GABRG2: variants seen among roughly 807,000 people sequenced by gnomAD.
The protein encoded by GABRG2 is gamma-aminobutyric acid type A receptor subunit gamma2, also known as gamma-aminobutyric acid receptor subunit gamma-2.
Under a neutral mutation model 56.4 loss-of-function variants are expected in GABRG2, and 16 were observed. The observed-to-expected ratio is 0.28, with a 90% CI of 0.19 to 0.43. The LOEUF (loss-of-function observed/expected upper bound fraction) is 0.43, where lower values mean the gene tolerates loss of function less well. Among genes scored for constraint, GABRG2 ranks in the 20% least tolerant of loss-of-function variants. The pLI is 1.00. For synonymous variants in GABRG2, 208 were observed against 205.5 expected (o/e 1.01, Z -0.10); for missense variants, 327 against 582.7 (o/e 0.56, Z 4.52).
intron 1 of GABRG2, among the ~76,000 whole-genome samples, chr5:162,087,618 A>G (rs1439533523): frequency 6.6e-6 from 1 of 152,078 alleles, no homozygotes; most frequent in Admixed American, 6.6e-5. Context: ...GCCATGGAGG[A>G]TAGAAGAGAG....
At position 162,153,590 on chromosome 5, in the gene GABRG2, GCAAAGTAAAATTAGAGCAAGAACATT is replaced by G. The variant is rs1296263263; in HGVS notation, c.*227_*252del. ...GTTTGCTGTGTTTCAAACCTGCAAG[GCAAAGTAAAATTAGAGCAAGAACATT>G]CAAACCAAATAAGATATTTTTCAGC... On this transcript the variant is annotated 3_prime_UTR_variant, in exon 10 of 10. Coordinates refer to ENST00000639213, the MANE Select transcript of GABRG2 (RefSeq NM_198904.4). The G allele has an allele frequency of 3.3e-6, 2 of 608,300 alleles. No individual in the cohort carries two copies. Among genetic ancestry groups the G allele is most frequent in the Admixed American group, 5.9e-5 (2 of 34,102 alleles). 37.7% of individuals were successfully genotyped at this position (608,300 alleles called of 1,614,324 possible). A position where few individuals can be genotyped will look rare whatever the true frequency, so the allele number is the denominator to read the frequency against.
At chr5:162,151,627 A>G in intron 8 of GABRG2, 103 bp from the exon 9 acceptor site, 1 of 1,027,562 alleles carries the variant, frequency 9.7e-7, no homozygotes. Context: ...TGTGTTTTCA[A>G]AATGTATTTT....
rs908159921 is a variant in GABRG2 at position 162,084,524 on chromosome 5, A to G, written c.108-9304A>G. Reference sequence around the variant, plus strand: ...TGCACCTTAGAATTAGCTGAATACCAAAGTCTTGGTCTCATAGAGACCAAT... The same window carrying G: ...TGCACCTTAGAATTAGCTGAATACCGAAGTCTTGGTCTCATAGAGACCAAT... On this transcript the variant is annotated intron_variant, in intron 1 of 9. Transcript: ENST00000639213. 3.0e-4 allele frequency among the ~76,000 whole-genome samples: 46 copies of G among 151,794 alleles called. 1 individual carries two copies.
At chr5:162,140,159 A>G (rs567449280) in intron 6 of GABRG2, among the ~76,000 whole-genome samples, 51 of 152,354 alleles carry the variant, frequency 3.3e-4, no homozygotes, top group African/African-American at 1.1e-3. Flanking sequence ...AAAAATTTCT[A>G]TCTTCAAGTC....
At chr5:162,105,623 G>C (rs1463203980) in intron 6 of GABRG2, among the ~76,000 whole-genome samples, 3 of 151,444 alleles carry the variant, frequency 2.0e-5, no homozygotes, top group Non-Finnish European at 2.9e-5. Context: ...GTAGAGACGT[G>C]GTTTCACCTT....
At chr5:162,110,129 A>G (rs1432155267) in intron 6 of GABRG2, among the ~76,000 whole-genome samples, 1 of 152,028 alleles carries the variant, frequency 6.6e-6, no homozygotes, top group African/African-American at 2.4e-5. Context: ...GATTTGTATC[A>G]CAAGGAATAT....
chr5:162,143,568 A>G (rs893735552), intron 7 of GABRG2, among the ~76,000 whole-genome samples: 1 of 152,200 alleles, frequency 6.6e-6, no homozygotes, highest in South Asian at 2.1e-4. Flanking sequence ...TTCATCAGCT[A>G]TGTAAAACCT....
At chr5:162,095,354 T>G (rs1003593369) in intron 2 of GABRG2, 141 bp from the exon 3 acceptor site, 4 of 659,068 alleles carry the variant, frequency 6.1e-6, no homozygotes, top group Admixed American at 2.4e-5. Flanking sequence ...TCAAATGTGG[T>G]GAATTAGTAA....
At chr5:162,127,659 G>C (rs1318269756) in intron 6 of GABRG2, among the ~76,000 whole-genome samples, 1 of 151,840 alleles carries the variant, frequency 6.6e-6, no homozygotes, top group African/African-American at 2.4e-5. Flanking sequence ...TAAATATGTT[G>C]TCTCCTGAAT....
At chr5:162,125,362 C>T (rs1027406979) in intron 6 of GABRG2, among the ~76,000 whole-genome samples, 10 of 151,554 alleles carry the variant, frequency 6.6e-5, no homozygotes, top group East Asian at 5.9e-4. Context: ...TTTTAATATA[C>T]GTTTTAAAAT....
At chr5:162,092,620 A>G (rs1384465669) in intron 1 of GABRG2, among the ~76,000 whole-genome samples, 1 of 152,176 alleles carries the variant, frequency 6.6e-6, no homozygotes, top group African/African-American at 2.4e-5. Context: ...TACATTGTAC[A>G]TGTATATATA....
chr5:162,122,928 T>A (rs1251538803), intron 6 of GABRG2, among the ~76,000 whole-genome samples: 9 of 151,636 alleles, frequency 5.9e-5, no homozygotes, highest in Admixed American at 5.9e-4. Flanking sequence ...TTGATTCTTG[T>A]TTATGTTTAT....
At chr5:162,075,023 A>T (rs1285944471) in intron 1 of GABRG2, among the ~76,000 whole-genome samples, 1 of 152,134 alleles carries the variant, frequency 6.6e-6, no homozygotes, top group Non-Finnish European at 1.5e-5. Flanking sequence ...TTCTATTGCT[A>T]AACAAATAAC....
rs763218917 is a variant in GABRG2 at position 162,093,893 on chromosome 5, C to T, written c.173C>T (p.Thr58Ile). Reference sequence around the variant, plus strand: ...GCTTCTAACAAAACATGGGTCTTGACTCCAAAAGTTCCTGAGGGTGATGTC... The same window carrying T: ...GCTTCTAACAAAACATGGGTCTTGATTCCAAAAGTTCCTGAGGGTGATGTC... The part of the protein sequence containing the change: ...DYASNKTWVL[T>I]PKVPEGDVTV... The change falls in exon 2 of 10, where the codon ACT becomes ATT. Residue 58 changes from threonine (T) to isoleucine (I), a missense_variant. Thr to Ile is a moderately conservative substitution (Grantham distance 89, BLOSUM62 -1). Coordinates refer to ENST00000639213, the MANE Select transcript of GABRG2 (RefSeq NM_198904.4). 3.1e-6 allele frequency: 5 copies of T among 1,613,182 alleles called. No homozygotes were observed. The African/African-American group carries it at 5.3e-5, about 17-fold the overall frequency.
chr5:162,072,756 C>A (rs1758779368), intron 1 of GABRG2, among the ~76,000 whole-genome samples: 1 of 151,916 alleles, frequency 6.6e-6, no homozygotes, highest in South Asian at 2.1e-4. Context: ...TTATCATCAA[C>A]CACATTTGAG....
At position 162,068,177 on chromosome 5, in the gene GABRG2, G is replaced by C. The variant is rs901936998; in HGVS notation, c.107+71G>C. 6.0e-6 allele frequency: 6 copies of C among 1,002,558 alleles called. No homozygotes were observed. The African/African-American group carries it at 6.3e-5, about 11-fold the overall frequency. 62.1% of individuals were successfully genotyped at this position (1,002,558 alleles called of 1,614,324 possible). On this transcript the variant is annotated intron_variant, in intron 1 of 9. Coordinates refer to ENST00000639213, the MANE Select transcript of GABRG2 (RefSeq NM_198904.4). ...GGGAAGGTGTGGGGAGGGGTAACTCGGGAGACCACCCAGATTTAAAACACT... is the reference window on the plus strand; with the variant it reads ...GGGAAGGTGTGGGGAGGGGTAACTCCGGAGACCACCCAGATTTAAAACACT...
At chr5:162,125,094 A>G (rs931016902) in intron 6 of GABRG2, among the ~76,000 whole-genome samples, 3 of 151,700 alleles carry the variant, frequency 2.0e-5, no homozygotes, top group African/African-American at 7.3e-5. Flanking sequence ...AATAGTTCTT[A>G]TAATTATGTC....
At chr5:162,068,672 A>G (rs555280607) in intron 1 of GABRG2, among the ~76,000 whole-genome samples, 3 of 152,126 alleles carry the variant, frequency 2.0e-5, no homozygotes, top group Non-Finnish European at 2.9e-5. Flanking sequence ...GTGTGCAAAC[A>G]TGGTTCAGCA....
At chr5:162,077,853 C>T (rs1759265200) in intron 1 of GABRG2, among the ~76,000 whole-genome samples, 1 of 151,896 alleles carries the variant, frequency 6.6e-6, no homozygotes, top group African/African-American at 2.4e-5. Flanking sequence ...AAAGGAAGTT[C>T]CCGTTTCTTG....
Sources: allele counts gnomAD v4.1 joint callset (sites outside exome capture counted in the v4.1 genomes callset), GRCh38; gene constraint gnomAD v4.1.1; transcripts MANE v1.5; gene names NCBI Gene and HGNC (gene_info 2026-07-23, HGNC 2026-07-21).